The following SCFD1 variants were observed in gnomAD, a reference collection of about 807,000 sequenced individuals.
SCFD1 encodes the protein sec1 family domain containing 1.
Under a neutral mutation model 103.2 loss-of-function variants are expected in SCFD1, and 37 were observed. The ratio of observed to expected loss-of-function variants is 0.36; its 90% CI spans 0.28 to 0.47. The LOEUF (loss-of-function observed/expected upper bound fraction) is 0.47, where lower values mean the gene tolerates loss of function less well. Ranked by LOEUF, SCFD1 falls within the 20% of genes least tolerant of loss-of-function variation. SCFD1 has a pLI of 1.00. For missense variants in SCFD1, 639 were observed against 761.2 expected (o/e 0.84, Z 1.89); for synonymous variants, 264 against 245.0 (o/e 1.08, Z -0.73).
At chr14:30,701,310 T>A (rs1408653139) in intron 16 of SCFD1, among the ~76,000 whole-genome samples, 1 of 152,212 alleles carries the variant, frequency 6.6e-6, no homozygotes, top group Non-Finnish European at 1.5e-5. Flanking sequence ...TGTAAGTATC[T>A]CTTTCAGGCC....
intron 8 of SCFD1, 22 bp downstream of exon 8, chr14:30,649,605 G>A (rs576158477): frequency 1.3e-5 from 20 of 1,544,240 alleles, no homozygotes; most frequent in South Asian, 9.8e-5. Flanking sequence ...CGGATATCAC[G>A]TGGAGATAAA....
chr14:30,708,121 G>A, intron 19 of SCFD1, 56 bp downstream of exon 19: 1 of 1,115,842 alleles, frequency 9.0e-7, no homozygotes, highest in Non-Finnish European at 1.4e-6. Flanking sequence ...ATGTTGACAG[G>A]CTAACTGCTC....
Position 30,670,288 on chromosome 14 carries a change from A to C in SCFD1, c.888A>C (p.Glu296Asp), listed in dbSNP as rs1472087139. 6.3e-7 allele frequency: 1 copy of C among 1,595,786 alleles called. No homozygotes were observed. The stretch of plus-strand genomic sequence containing the variant: ...ATTTAAACAGGGTTAATTTGGAAGA[A>C]TCTTCAGGAGTGGAAAACTCTCCAG... ...DFHLNRVNLE[E>D]SSGVENSPAG... The change falls in exon 11 of 25, where the codon GAA becomes GAC. Residue 296 changes from glutamate (E) to aspartate (D), a missense_variant. Transcript: ENST00000458591.
chr14:30,733,130 C>T (rs559832687), intron 23 of SCFD1, among the ~76,000 whole-genome samples: 10 of 152,114 alleles, frequency 6.6e-5, no homozygotes, highest in Admixed American at 3.9e-4. Flanking sequence ...CTGCCTTAGC[C>T]TCCTGGGTAG....
chr14:30,673,894 G>A (rs1402853548), intron 12 of SCFD1, 30 bp from the exon 13 acceptor site: 4 of 1,500,758 alleles, frequency 2.7e-6, no homozygotes, highest in Non-Finnish European at 3.7e-6. Flanking sequence ...GGATTTTTGA[G>A]TAGCTATTGA....
intron 23 of SCFD1, among the ~76,000 whole-genome samples, chr14:30,734,110 G>A (rs1372943450): frequency 6.6e-6 from 1 of 152,142 alleles, no homozygotes; most frequent in Non-Finnish European, 1.5e-5. Context: ...ACAGAGTTGT[G>A]TTACAAAGCC....
chr14:30,690,797 G>A (rs1057321621), intron 14 of SCFD1, among the ~76,000 whole-genome samples: 22 of 152,170 alleles, frequency 1.4e-4, no homozygotes, highest in African/African-American at 5.1e-4. Flanking sequence ...GGGAGCTGTA[G>A]ACCGGAGCTG....
Position 30,694,810 on chromosome 14 carries a change from AAAT to A in SCFD1, c.1284_1286del (p.Ile428del), listed in dbSNP as rs1890580655. On this transcript the variant is annotated inframe_deletion, in exon 15 of 25. Transcript: ENST00000458591. ...GATGTATATTTTGAATATGAAGAAAAAATAATGAGCAAAACTACTCTGGATAAA... is the reference window on the plus strand; with the variant it reads ...GATGTATATTTTGAATATGAAGAAAAAATGAGCAAAACTACTCTGGATAAA... 7 of 1,584,234 alleles carry A rather than the reference AAAT, an allele frequency of 4.4e-6. No individual in the cohort carries two copies. In the South Asian group the frequency reaches 8.3e-5, roughly 19 times the overall value.
chr14:30,707,775 A>G (rs1328708252), intron 18 of SCFD1: 2 of 603,734 alleles, frequency 3.3e-6, no homozygotes, highest in Non-Finnish European at 6.1e-6. Flanking sequence ...TTGACTAATC[A>G]GAGTATTTTA....
chr14:30,658,001 G>T, intron 10 of SCFD1: 1 of 438,264 alleles, frequency 2.3e-6, no homozygotes, highest in Admixed American at 2.5e-5. Flanking sequence ...ACTTTGCAGT[G>T]CCCATCTCCT....
In SCFD1 at chr14:30,661,128, A is replaced by G. The variant is rs79680276; in HGVS notation, c.855+7540A>G. ...TGAGATTAAAGAACCCATTTTTTTA[A>G]TAACAAGTAGCATTGTGAAATTGTA... On this transcript the variant is annotated intron_variant, in intron 10 of 24. Coordinates refer to ENST00000458591, the MANE Select transcript of SCFD1 (RefSeq NM_016106.4). 3.7e-3 allele frequency among the ~76,000 whole-genome samples: 560 copies of G among 152,262 alleles called. 7 individuals carry two copies. Among genetic ancestry groups the G allele is most frequent in the African/African-American group, 0.013 (530 of 41,562 alleles).
At chr14:30,635,064 A>G in intron 4 of SCFD1, 2 of 418,888 alleles carry the variant, frequency 4.8e-6, no homozygotes, top group South Asian at 1.7e-5. Flanking sequence ...ACAAGTCACA[A>G]CATCTTTGTT....
intron 14 of SCFD1, among the ~76,000 whole-genome samples, chr14:30,691,654 A>G (rs1164183190): frequency 3.3e-5 from 5 of 152,304 alleles, no homozygotes; most frequent in African/African-American, 9.6e-5. Flanking sequence ...AAAACATTCA[A>G]TGGATTTTAG....
At chr14:30,669,330 C>T (rs965580095) in intron 10 of SCFD1, among the ~76,000 whole-genome samples, 1 of 152,040 alleles carries the variant, frequency 6.6e-6, no homozygotes, top group Admixed American at 6.6e-5. Flanking sequence ...TTTCTCCATA[C>T]TGTGTCTTCC....
At chr14:30,722,191 G>A (rs1397099613) in intron 22 of SCFD1, among the ~76,000 whole-genome samples, 1 of 152,046 alleles carries the variant, frequency 6.6e-6, no homozygotes, top group East Asian at 1.9e-4. Context: ...AAACATTTGT[G>A]AAGATACTAT....
intron 23 of SCFD1, chr14:30,734,453 C>T (rs566841546): frequency 4.0e-5 from 12 of 302,390 alleles, no homozygotes; most frequent in Non-Finnish European, 7.1e-5. Context: ...TAGTACACAT[C>T]CTACATTGGA....
Position 30,630,578 on chromosome 14 carries a change from A to C in SCFD1, c.221+13A>C. ...TCACTCTGCATCTGTGAGTTTTTAC[A>C]TATTTCTAATAGTGGTATTCATTTA... On this transcript the variant is annotated intron_variant, in intron 3 of 24. Coordinates refer to ENST00000458591, the MANE Select transcript of SCFD1 (RefSeq NM_016106.4). 1 of 1,391,562 alleles carries C rather than the reference A, an allele frequency of 7.2e-7. No individual in the cohort carries two copies. The highest frequency in any genetic ancestry group is 2.3e-5 in the East Asian group (1 of 43,442). 86.2% of individuals were successfully genotyped at this position (1,391,562 alleles called of 1,614,324 possible).
chr14:30,684,632 T>C (rs1202238340), intron 14 of SCFD1, among the ~76,000 whole-genome samples: 1 of 151,898 alleles, frequency 6.6e-6, no homozygotes, highest in Non-Finnish European at 1.5e-5. Flanking sequence ...TTTTGAGAAA[T>C]GCATGGCTCT....
At chr14:30,656,328 A>G (rs1020535445) in intron 10 of SCFD1, among the ~76,000 whole-genome samples, 16 of 152,280 alleles carry the variant, frequency 1.1e-4, no homozygotes, top group African/African-American at 3.8e-4. Flanking sequence ...CCAAACAGCG[A>G]AGTTAATGAT....
Sources: gnomAD v4.1 joint callset for allele counts (sites outside exome capture counted in the v4.1 genomes callset) on GRCh38, gnomAD v4.1.1 for gene constraint, MANE v1.5 for transcripts, NCBI Gene and HGNC (gene_info 2026-07-23, HGNC 2026-07-21) for gene names.